Variants in CEP112 observed in about 807,000 individuals in gnomAD.
The protein encoded by CEP112 is centrosomal protein of 112 kDa.
A neutral mutation model predicts 153.0 loss-of-function variants in CEP112; 127 were observed. That is an observed-to-expected ratio of 0.83 (90% CI 0.72 to 0.96). CEP112 has a LOEUF of 0.96. Among genes scored for constraint, CEP112 ranks in the 40% least tolerant of loss-of-function variants. The pLI is 0.00. For synonymous variants in CEP112, 358 were observed against 374.4 expected, an observed-to-expected ratio of 0.96 and a Z score of 0.51; for missense variants, 1,089 against 1,101.2, an observed-to-expected ratio of 0.99 and a Z score of 0.16.
intron 21 of CEP112, among the ~76,000 whole-genome samples, chr17:65,773,995 G>C (rs1368498846): frequency 6.6e-6 from 1 of 151,730 alleles, no homozygotes; most frequent in South Asian, 2.1e-4. Context: ...CCTGAGGCAG[G>C]AGAATCACTT....
intron 23 of CEP112, among the ~76,000 whole-genome samples, chr17:65,689,449 T>A (rs1423054102): frequency 6.6e-6 from 1 of 152,120 alleles, no homozygotes; most frequent in African/African-American, 2.4e-5. Flanking sequence ...TTGGCAGATG[T>A]CAATCATATA....
In CEP112 at chr17:65,821,425, C is replaced by T. The variant is rs537884827; in HGVS notation, c.2394+30379G>A. 1.4e-4 allele frequency among the ~76,000 whole-genome samples: 19 copies of T among 138,592 alleles called. No individual in the cohort carries two copies. The East Asian group carries it at 1.9e-3, about 14-fold the overall frequency. 90.9% of individuals were successfully genotyped at this position (138,592 alleles called of 152,430 possible). Reference sequence around the variant, plus strand: ...GGGGAATATAATGCATGGAACTTAACGGGATTTTCTACACAATCTGGGGCT... The same window carrying T: ...GGGGAATATAATGCATGGAACTTAATGGGATTTTCTACACAATCTGGGGCT... On this transcript the variant is annotated intron_variant, in intron 21 of 26. Coordinates refer to ENST00000535342, the MANE Select transcript of CEP112 (RefSeq NM_001199165.4).
At chr17:66,157,242 G>T (rs1358417258) in intron 4 of CEP112, among the ~76,000 whole-genome samples, 1 of 152,128 alleles carries the variant, frequency 6.6e-6, no homozygotes, top group South Asian at 2.1e-4. Context: ...TTAAAGAAAA[G>T]AATTTTCAAT....
chr17:65,909,274 G>A, intron 19 of CEP112, among the ~76,000 whole-genome samples: 1 of 152,132 alleles, frequency 6.6e-6, no homozygotes, highest in East Asian at 1.9e-4. Context: ...ATTCTACATA[G>A]CCCTGGTGTA....
At chr17:65,939,180 T>C (rs11869925) in intron 18 of CEP112, among the ~76,000 whole-genome samples, 72,770 of 151,944 alleles carry the variant, frequency 0.48, 18,428 homozygotes, top group East Asian at 0.89. Context: ...ATTCATTTAT[T>C]CAAAGAGGCA....
intron 6 of CEP112, among the ~76,000 whole-genome samples, chr17:66,110,402 A>G (rs751484765): frequency 1.3e-5 from 2 of 152,076 alleles, no homozygotes; most frequent in African/African-American, 4.8e-5. Context: ...AGACAAACCA[A>G]TTGAACCAAC....
intron 21 of CEP112, among the ~76,000 whole-genome samples, chr17:65,815,727 A>G (rs2056228402): frequency 6.6e-6 from 1 of 152,166 alleles, no homozygotes; most frequent in African/African-American, 2.4e-5. Flanking sequence ...CTGTTAAACA[A>G]GTATTTCATA....
chr17:65,951,147 A>C (rs1301795182), intron 18 of CEP112, among the ~76,000 whole-genome samples: 1 of 152,134 alleles, frequency 6.6e-6, no homozygotes, highest in Non-Finnish European at 1.5e-5. Flanking sequence ...CCAAAATCTC[A>C]TGAAGGGCTT....
intron 21 of CEP112, among the ~76,000 whole-genome samples, chr17:65,825,829 T>C (rs1207852613): frequency 2.6e-5 from 4 of 152,222 alleles, no homozygotes. Context: ...CAGCACTTTG[T>C]AAGCTTTTGA....
chr17:65,897,701 A>C (rs916636125), intron 20 of CEP112, among the ~76,000 whole-genome samples: 7 of 152,078 alleles, frequency 4.6e-5, no homozygotes, highest in African/African-American at 1.7e-4. Flanking sequence ...ATTTGAGAAT[A>C]ATAATATTCT....
chr17:65,728,444 A>G (rs1354766255), intron 23 of CEP112, among the ~76,000 whole-genome samples: 1 of 152,206 alleles, frequency 6.6e-6, no homozygotes, highest in Non-Finnish European at 1.5e-5. Flanking sequence ...AACGCCATAC[A>G]GTCTATCCAC....
chr17:65,970,309 T>G (rs536411948), intron 17 of CEP112, among the ~76,000 whole-genome samples: 1 of 113,086 alleles, frequency 8.8e-6, no homozygotes, highest in Non-Finnish European at 1.9e-5. Context: ...CATGTGTATC[T>G]CATATGTAAA....
intron 5 of CEP112, among the ~76,000 whole-genome samples, chr17:66,131,211 A>T (rs571005316): frequency 6.6e-6 from 1 of 152,254 alleles, no homozygotes; most frequent in Non-Finnish European, 1.5e-5. Flanking sequence ...ATTATTATTT[A>T]TAATACTATA....
At chr17:65,695,553 T>C (rs1567875909) in intron 23 of CEP112, among the ~76,000 whole-genome samples, 2 of 152,234 alleles carry the variant, frequency 1.3e-5, no homozygotes, top group African/African-American at 4.8e-5. Flanking sequence ...AATAAAGTGA[T>C]GGCAGATACA....
At chr17:65,964,937 A>C (rs1344208645) in intron 17 of CEP112, among the ~76,000 whole-genome samples, 1 of 152,230 alleles carries the variant, frequency 6.6e-6, no homozygotes, top group African/African-American at 2.4e-5. Flanking sequence ...AAAAGTTTAT[A>C]TATCACTTAC....
At chr17:65,713,187 T>C (rs964252668) in intron 23 of CEP112, among the ~76,000 whole-genome samples, 1 of 152,110 alleles carries the variant, frequency 6.6e-6, no homozygotes, top group Non-Finnish European at 1.5e-5. Flanking sequence ...AATATGTGAG[T>C]AGGGTGTGTC....
chr17:65,870,251 C>A (rs1299908916), intron 20 of CEP112, among the ~76,000 whole-genome samples: 2 of 151,994 alleles, frequency 1.3e-5, no homozygotes. Context: ...GGTAAAGATT[C>A]ATAACTGATG....
chr17:65,916,181 A>G (rs2060472109), intron 19 of CEP112, among the ~76,000 whole-genome samples: 1 of 151,832 alleles, frequency 6.6e-6, no homozygotes, highest in Non-Finnish European at 1.5e-5. Flanking sequence ...CAAACACTTT[A>G]GCTTGCTCTA....
intron 17 of CEP112, among the ~76,000 whole-genome samples, chr17:65,983,090 A>T (rs2145159369): frequency 6.6e-6 from 1 of 152,354 alleles, no homozygotes; most frequent in South Asian, 2.1e-4. Context: ...CCACTGCCTA[A>T]TAAGTATAGG....
Sources: gnomAD v4.1 joint callset for allele counts (sites outside exome capture counted in the v4.1 genomes callset) on GRCh38, gnomAD v4.1.1 for gene constraint, MANE v1.5 for transcripts, NCBI Gene and HGNC (gene_info 2026-07-23, HGNC 2026-07-21) for gene names.